The following SORBS2 variants were observed in gnomAD, a reference collection of about 807,000 sequenced individuals.
The protein encoded by SORBS2 is sorbin and SH3 domain containing 2, also known as sorbin and SH3 domain-containing protein 2.
Under a neutral mutation model 97.7 loss-of-function variants are expected in SORBS2, and 46 were observed. The observed-to-expected ratio is 0.47, with a 90% CI of 0.37 to 0.60. The LOEUF (loss-of-function observed/expected upper bound fraction) is 0.60. Among genes scored for constraint, SORBS2 ranks in the 20% least tolerant of loss-of-function variants. The probability of loss-of-function intolerance (pLI) is 0.00; values close to 1 mark genes in which losing one functional copy is unlikely to be tolerated. For missense variants in SORBS2, 1,316 were observed against 1,282.3 expected, an observed-to-expected ratio of 1.03 and a Z score of -0.40; for synonymous variants, 476 against 473.4, an observed-to-expected ratio of 1.01 and a Z score of -0.07.
chr4:185,624,066 T>A lies in SORBS2; in HGVS notation c.1063A>T (p.Lys355Ter). Residue 355 changes from lysine to a stop codon, truncating the protein, a stop_gained, in exon 7 of 15, where the codon AAG becomes TAG. Coordinates refer to ENST00000418609, the Ensembl canonical transcript of SORBS2. LOFTEE classifies it high-confidence loss of function. ...ATGCGGTGCATTTTCTTGTACATCT[T>A]CAGGAACCCCGGGGCGTTGCGGGCT... 1 of 1,614,152 alleles carries A rather than the reference T, an allele frequency of 6.2e-7. No homozygotes were observed. The highest frequency in any genetic ancestry group is 8.5e-7 in the Non-Finnish European group (1 of 1,180,020).
At chr4:185,925,700 G>A (rs558705527) in intron 1 of SORBS2, among the ~76,000 whole-genome samples, 19 of 152,244 alleles carry the variant, frequency 1.2e-4, no homozygotes, top group Admixed American at 3.3e-4. Flanking sequence ...GTATCGGTAG[G>A]CATGGGGGAG....
At chr4:185,914,412 C>T (rs2099256958) in intron 1 of SORBS2, among the ~76,000 whole-genome samples, 1 of 152,136 alleles carries the variant, frequency 6.6e-6, no homozygotes, top group African/African-American at 2.4e-5. Flanking sequence ...CATTATTTCA[C>T]CCTCATAAAA....
At chr4:185,653,504 C>T (rs189613989) in intron 1 of SORBS2, among the ~76,000 whole-genome samples, 105 of 152,228 alleles carry the variant, frequency 6.9e-4, no homozygotes, top group African/African-American at 2.5e-3. Flanking sequence ...CCTAGCAATA[C>T]GAATCTGGGC....
intron 1 of SORBS2, among the ~76,000 whole-genome samples, chr4:185,846,397 A>C (rs2099214555): frequency 6.6e-6 from 1 of 152,226 alleles, no homozygotes; most frequent in Non-Finnish European, 1.5e-5. Flanking sequence ...CTGGGGTCAG[A>C]AAGAAAATCA....
chr4:185,922,608 A>T (rs1430268440), intron 1 of SORBS2, among the ~76,000 whole-genome samples: 1 of 152,150 alleles, frequency 6.6e-6, no homozygotes, highest in Non-Finnish European at 1.5e-5. Flanking sequence ...TTGTTTTATC[A>T]TTTGTAATTA....
intron 2 of SORBS2, among the ~76,000 whole-genome samples, chr4:185,741,899 G>T (rs939130351): frequency 6.6e-6 from 1 of 152,128 alleles, no homozygotes; most frequent in Non-Finnish European, 1.5e-5. Context: ...CGCCCCACGG[G>T]TCCTTCACTC....
chr4:185,720,973 C>T (rs1226587156), intron 2 of SORBS2, among the ~76,000 whole-genome samples: 1 of 151,708 alleles, frequency 6.6e-6, no homozygotes, highest in African/African-American at 2.4e-5. Context: ...GGGAATGATA[C>T]TAAAGTTCCT....
intron 2 of SORBS2, among the ~76,000 whole-genome samples, chr4:185,685,551 G>A (rs2153510816): frequency 6.6e-6 from 1 of 151,842 alleles, no homozygotes; most frequent in African/African-American, 2.4e-5. Flanking sequence ...TTATTTTTAG[G>A]GCCGGAGTCT....
At position 185,869,793 on chromosome 4, in the gene SORBS2, C is replaced by A. The variant is rs565573902; in HGVS notation, c.-338+86403G>T. Among the ~76,000 whole-genome samples the A allele has an allele frequency of 7.2e-5, 11 of 152,286 alleles. No individual in the cohort carries two copies. The East Asian group carries it at 2.1e-3, about 29-fold the overall frequency. On this transcript the variant is annotated intron_variant, in intron 1 of 20. Coordinates refer to the SORBS2 transcript ENST00000284776. ...ATCCATGGAATTGGGAATCACTGAG[C>A]CTCATTTCTGCTTTGACTCTGCAGA...
chr4:185,609,397 C>T (rs1484939814), intron 12 of SORBS2, among the ~76,000 whole-genome samples: 1 of 152,112 alleles, frequency 6.6e-6, no homozygotes, highest in African/African-American at 2.4e-5. Context: ...TCTTGAATTC[C>T]CTTGTCATTA....
At chr4:185,634,367 T>C (rs949814248) in intron 4 of SORBS2, among the ~76,000 whole-genome samples, 1 of 152,156 alleles carries the variant, frequency 6.6e-6, no homozygotes, top group African/African-American at 2.4e-5. Flanking sequence ...AAATAAGATA[T>C]TTATTGTGTT....
chr4:185,619,685 C>T (rs2096684797), intron 8 of SORBS2, among the ~76,000 whole-genome samples: 1 of 152,194 alleles, frequency 6.6e-6, no homozygotes, highest in Admixed American at 6.5e-5. Flanking sequence ...TGATTTACAA[C>T]ACAGTTGACA....
Position 185,944,880 on chromosome 4 carries a change from C to T in SORBS2, c.-338+11316G>A, listed in dbSNP as rs191621620. 8.6e-4 allele frequency among the ~76,000 whole-genome samples: 127 copies of T among 147,722 alleles called. 1 individual carries two copies. The highest frequency in any genetic ancestry group is 3.0e-3 in the East Asian group (15 of 5,024). Reference sequence around the variant, plus strand: ...CAAGATTAGCATCGCTACCAACAGCCGAAATATTTGGGGTCAAACCCTGTT... The same window carrying T: ...CAAGATTAGCATCGCTACCAACAGCTGAAATATTTGGGGTCAAACCCTGTT... On this transcript the variant is annotated intron_variant, in intron 1 of 20. Transcript: ENST00000284776.
chr4:185,765,040 GT>G (rs915503871), intron 2 of SORBS2, among the ~76,000 whole-genome samples: 11 of 151,122 alleles, frequency 7.3e-5, no homozygotes, highest in South Asian at 6.3e-4. Context: ...GGTTTCATCA[GT>G]TTTTTTTTCT....
intron 1 of SORBS2, among the ~76,000 whole-genome samples, chr4:185,782,441 C>G (rs956323901): frequency 6.6e-6 from 1 of 152,196 alleles, no homozygotes; most frequent in East Asian, 1.9e-4. Context: ...CCATGTGATA[C>G]TCTACTAGGG....
At chr4:185,614,553 A>G (rs1213026647) in intron 11 of SORBS2, 10 of 390,120 alleles carry the variant, frequency 2.6e-5, no homozygotes, top group African/African-American at 1.2e-4. Context: ...TCCCGAATGT[A>G]TAAGTCCTTG....
At chr4:185,642,066 T>C (rs1264508987) in intron 4 of SORBS2, among the ~76,000 whole-genome samples, 1 of 152,200 alleles carries the variant, frequency 6.6e-6, no homozygotes, top group African/African-American at 2.4e-5. Context: ...CATTCCATTT[T>C]AAGTTTTAAT....
At chr4:185,729,326 G>T (rs975757178) in intron 2 of SORBS2, among the ~76,000 whole-genome samples, 3 of 152,074 alleles carry the variant, frequency 2.0e-5, no homozygotes, top group African/African-American at 4.8e-5. Context: ...TCTCTTTCTG[G>T]GCCCGCTCAG....
chr4:185,743,016 C>A (rs576682324), intron 2 of SORBS2, among the ~76,000 whole-genome samples: 1 of 152,282 alleles, frequency 6.6e-6, no homozygotes, highest in East Asian at 1.9e-4. Context: ...GTGGTGGCGA[C>A]CAGCTGGTTT....
Sources: gnomAD v4.1 joint callset for allele counts (sites outside exome capture counted in the v4.1 genomes callset) on GRCh38, gnomAD v4.1.1 for gene constraint, MANE v1.5 for transcripts, NCBI Gene and HGNC (gene_info 2026-07-23, HGNC 2026-07-21) for gene names.